IL4I1: variants seen among roughly 807,000 people sequenced by gnomAD.
The protein encoded by IL4I1 is interleukin 4 induced 1.
Under a neutral mutation model 29.7 loss-of-function variants are expected in IL4I1, and 24 were observed. The ratio of observed to expected loss-of-function variants is 0.81; its 90% CI spans 0.59 to 1.14. The LOEUF (loss-of-function observed/expected upper bound fraction) is 1.14, where lower values mean the gene tolerates loss of function less well. Ranked by LOEUF, IL4I1 falls within the 50% of genes most tolerant of loss-of-function variation. The pLI, the probability that IL4I1 is intolerant of heterozygous loss-of-function variation, is 0.00. For synonymous variants in IL4I1, 371 were observed against 352.5 expected, an observed-to-expected ratio of 1.05 and a Z score of -0.59; for missense variants, 686 against 785.6, an observed-to-expected ratio of 0.87 and a Z score of 1.52.
At chr19:49,908,737 C>T (rs1200075445) in intron 2 of IL4I1, 1 of 1,613,490 alleles carries the variant, frequency 6.2e-7, no homozygotes, top group East Asian at 2.2e-5. Flanking sequence ...AGGCGTTGAC[C>T]TGGGTGGCCT....
At chr19:49,915,443 AAAG>A (rs1375298324) in intron 2 of IL4I1, among the ~76,000 whole-genome samples, 4 of 152,306 alleles carry the variant, frequency 2.6e-5, no homozygotes, top group African/African-American at 7.2e-5. Flanking sequence ...CTCTAGAGCT[AAAG>A]AAGGACATAG....
At position 49,908,997 on chromosome 19, in the gene IL4I1, T is replaced by A. The variant is rs763897777; in HGVS notation, c.-227-4676A>T. On this transcript the variant is annotated intron_variant, in intron 2 of 9. Coordinates refer to the IL4I1 transcript ENST00000341114. ...GCGGTGGCGGTGGCAGCGGTGGATG[T>A]TGTTGTGGAGGTGCCGGAAGCTGCT... 3.7e-6 allele frequency: 6 copies of A among 1,611,030 alleles called. No individual in the cohort carries two copies. The Admixed American group carries it at 1.0e-4, about 27-fold the overall frequency.
chr19:49,900,257 C>A (rs1253926774), upstream of IL4I1, among the ~76,000 whole-genome samples: 1 of 152,118 alleles, frequency 6.6e-6, no homozygotes, highest in East Asian at 1.9e-4. Context: ...AGGCCAGGTG[C>A]CCCCAGTGAA....
At chr19:49,924,394 A>G (rs1057323342) in intron 2 of IL4I1, among the ~76,000 whole-genome samples, 2 of 152,034 alleles carry the variant, frequency 1.3e-5, no homozygotes, top group African/African-American at 4.8e-5. Context: ...CCCTTATCCA[A>G]GGCTCTGCTA....
At chr19:49,891,918 C>T (rs2075144993) in intron 5 of IL4I1, among the ~76,000 whole-genome samples, 1 of 151,982 alleles carries the variant, frequency 6.6e-6, no homozygotes, top group Non-Finnish European at 1.5e-5. Flanking sequence ...GAAGCTGGTC[C>T]CCTGTGCCAC....
intron 2 of IL4I1, chr19:49,909,547 T>C (rs2075408311): frequency 1.2e-6 from 2 of 1,613,868 alleles, no homozygotes; most frequent in African/African-American, 1.3e-5. Context: ...CCAAAGAAAA[T>C]CCAGTTCCCC....
intron 3 of IL4I1, 32 bp downstream of exon 3, chr19:49,895,778 GAGGGA>G: frequency 6.3e-7 from 1 of 1,591,546 alleles, no homozygotes; most frequent in South Asian, 1.1e-5. Context: ...CCTGCAGCAG[GAGGGA>G]CTCCAGGTAG....
At chr19:49,908,855 G>A in intron 2 of IL4I1, 1 of 1,612,094 alleles carries the variant, frequency 6.2e-7, no homozygotes, top group South Asian at 1.1e-5. Flanking sequence ...CCCTGCAGCT[G>A]CGCCAGGGCC....
At chr19:49,892,614 A>T (rs1488209802) in intron 5 of IL4I1, among the ~76,000 whole-genome samples, 1 of 152,106 alleles carries the variant, frequency 6.6e-6, no homozygotes, top group Non-Finnish European at 1.5e-5. Flanking sequence ...GTTCTTCAGC[A>T]CTTTGTTCGA....
At chr19:49,891,194 T>G in intron 6 of IL4I1, 87 bp from the exon 7 acceptor site, 1 of 1,538,660 alleles carries the variant, frequency 6.5e-7, no homozygotes, top group Non-Finnish European at 8.8e-7. Context: ...CCTGGTCCCA[T>G]GACATGTCCT....
At chr19:49,891,497 G>A (rs746633824) in intron 5 of IL4I1, 24 bp from the exon 6 acceptor site, 2 of 1,611,464 alleles carry the variant, frequency 1.2e-6, no homozygotes, top group Non-Finnish European at 1.7e-6. Context: ...AGCAGACATG[G>A]TGCTGAGCTG....
chr19:49,915,560 A>G lies in IL4I1; in HGVS notation c.-227-11239T>C, dbSNP rs73070007. Among the ~76,000 whole-genome samples, 712 of 152,348 alleles carry G rather than the reference A, an allele frequency of 4.7e-3. 8 individuals carry two copies. The highest frequency in any genetic ancestry group is 0.012 in the Admixed American group (180 of 15,298). On this transcript the variant is annotated intron_variant, in intron 2 of 9. Transcript: ENST00000341114. ...CATTCGTGTTGCTTTAAACCACTAC[A>G]TTTGTGATGACTTGTTACAGCAGCC...
chr19:49,908,527 A>C, intron 2 of IL4I1: 2 of 1,614,078 alleles, frequency 1.2e-6, no homozygotes, highest in Non-Finnish European at 1.7e-6. Flanking sequence ...CACGCTCCTC[A>C]TCCGCGTGCT....
At chr19:49,890,933 CCCG>C in intron 7 of IL4I1, 35 bp downstream of exon 7, 1 of 400,584 alleles carries the variant, frequency 2.5e-6, no homozygotes, top group Non-Finnish European at 4.2e-6. Context: ...CTGATTGCCC[CCCG>C]CCCCCCCCCC....
At chr19:49,928,026 C>T (rs1353612437) in intron 1 of IL4I1, 1 of 152,296 alleles carries the variant, frequency 6.6e-6, no homozygotes, top group African/African-American at 2.4e-5. Context: ...CAGCTGGGGC[C>T]TCGATGTCTG....
In IL4I1 at chr19:49,894,291, T is replaced by C. The variant is rs1359852195; in HGVS notation, c.544A>G (p.Ile182Val). 2.5e-6 allele frequency: 4 copies of C among 1,613,982 alleles called. No individual in the cohort carries two copies. The highest frequency in any genetic ancestry group is 2.2e-5 in the East Asian group (1 of 44,880). The change falls in exon 5 of 8, where the codon ATC becomes GTC. Residue 182 changes from isoleucine (I) to valine (V), a missense_variant. Coordinates refer to ENST00000391826, the MANE Select transcript of IL4I1 (RefSeq NM_152899.2). ...PQEKGHSPED[I>V]YQMALNQALK... ...ACCTGGTTGAGAGCCATCTGGTAGA[T>C]GTCTTCGGGCGAGTGGCCCTTTTCC...
rs141228323 is a variant in IL4I1 at position 49,907,966 on chromosome 19, T to A, written c.-227-3645A>T. ...TCTCCATCACCAGGCTGAGCCAGGA[T>A]GAGGTGGGTGGTCGCAGTAGGTGAA... On this transcript the variant is annotated intron_variant, in intron 2 of 9. Coordinates refer to the IL4I1 transcript ENST00000341114. 9 of 583,704 alleles carry A rather than the reference T, an allele frequency of 1.5e-5. No individual in the cohort carries two copies. In the East Asian group the frequency reaches 3.0e-4, roughly 19 times the overall value. The allele number at this position is 583,704 out of a possible 1,614,324, so 36.2% of individuals were successfully genotyped here.
chr19:49,894,464 A>G lies in IL4I1; in HGVS notation c.371T>C (p.Leu124Pro). The G allele has an allele frequency of 6.4e-7, 1 of 1,550,626 alleles. No individual in the cohort carries two copies. Among genetic ancestry groups the G allele is most frequent in the Non-Finnish European group, 8.8e-7 (1 of 1,139,164 alleles). ...CCCCAGGCCCTGGCAGAGCTTGTGG[A>G]GGATCCTGATCAGGGGAGTGGGTGA... is the stretch of plus-strand genomic sequence containing the variant. The part of the protein sequence containing the change: ...AMRMPSSHRI[L>P]HKLCQGLGLN... Residue 124 changes from leucine to proline, a missense_variant, in exon 5 of 8, where the codon CTC becomes CCC. By Grantham distance (98) the Leu-to-Pro change is moderately conservative. Coordinates refer to ENST00000391826, the MANE Select transcript of IL4I1 (RefSeq NM_152899.2).
chr19:49,908,564 T>C (rs2075375800), intron 2 of IL4I1: 3 of 1,614,216 alleles, frequency 1.9e-6, no homozygotes, highest in Non-Finnish European at 2.5e-6. Flanking sequence ...GCTCTGCTCC[T>C]TGACCAACTC....
Sources: gnomAD v4.1 joint callset for allele counts (sites outside exome capture counted in the v4.1 genomes callset) on GRCh38, gnomAD v4.1.1 for gene constraint, MANE v1.5 for transcripts, NCBI Gene and HGNC (gene_info 2026-07-23, HGNC 2026-07-21) for gene names.